Variants in C12orf57 observed in about 807,000 individuals in gnomAD.
C12orf57 encodes protein C10.
Under a neutral mutation model 11.3 loss-of-function variants are expected in C12orf57, and 14 were observed. That is an observed-to-expected ratio of 1.24 (90% confidence interval 0.82 to 1.94). The LOEUF (loss-of-function observed/expected upper bound fraction) is 1.94, where lower values mean the gene tolerates loss of function less well. Among genes scored for constraint, C12orf57 ranks in the 30% most tolerant of loss-of-function variants. The pLI, the probability that C12orf57 is intolerant of heterozygous loss-of-function variation, is 0.00. For missense variants in C12orf57, 229 were observed against 172.4 expected, an observed-to-expected ratio of 1.33 and a Z score of -1.84; for synonymous variants, 100 against 74.6, an observed-to-expected ratio of 1.34 and a Z score of -1.76.
At chr12:6,944,359 A>G in intron 1 of C12orf57, 117 bp from the exon 2 acceptor site, 1 of 1,553,402 alleles carries the variant, frequency 6.4e-7, no homozygotes, top group Admixed American at 1.9e-5. Flanking sequence ...AAGACTTGGG[A>G]TCTTATTGGG....
chr12:6,943,982 G>T, upstream of C12orf57: 1 of 1,578,458 alleles, frequency 6.3e-7, no homozygotes, highest in Non-Finnish European at 8.5e-7. Flanking sequence ...TGAAGGTTTG[G>T]GCCACGCCTG....
chr12:6,944,629 A>T lies in C12orf57; in HGVS notation c.206A>T (p.Tyr69Phe), dbSNP rs782485941. 4 of 1,613,430 alleles carry T rather than the reference A, an allele frequency of 2.5e-6. No homozygotes were observed. The highest frequency in any genetic ancestry group is 3.4e-6 in the Non-Finnish European group (4 of 1,179,548). ...ATCCAGCAGGAGGTTATCAAAGCCT[A>T]TGGCTTCAGCTGCGACGGGGAAGGT... ...TQIQQEVIKA[Y>F]GFSCDGEGVL... The change falls in exon 2 of 3, where the codon TAT (tyrosine) becomes TTT (phenylalanine). Residue 69 changes from tyrosine (Y) to phenylalanine (F), a missense_variant. Transcript: ENST00000229281.
chr12:6,944,884 A>T, intron 2 of C12orf57: 1 of 1,402,496 alleles, frequency 7.1e-7, no homozygotes, highest in Non-Finnish European at 9.3e-7. Context: ...AATGGTTGGG[A>T]CCGGAAGTGT....
At chr12:6,943,867 C>T (rs149374821), upstream of C12orf57, 17,018 of 939,128 alleles carry the variant, frequency 0.018, 186 homozygotes, top group Admixed American at 0.023. Flanking sequence ...GGCTTTTTAC[C>T]GGAAAGCCCC....
upstream of C12orf57, chr12:6,943,869 G>A (rs782223539): frequency 1.3e-4 from 120 of 953,356 alleles, 1 homozygote; most frequent in South Asian, 4.7e-4. Flanking sequence ...CTTTTTACCG[G>A]AAAGCCCCTC....
chr12:6,944,445 G>T, intron 1 of C12orf57, 31 bp from the exon 2 acceptor site: 1 of 1,604,146 alleles, frequency 6.2e-7, no homozygotes, highest in Non-Finnish European at 8.5e-7. Context: ...GCCTACCCGG[G>T]ACGCCTCCCT....
rs782060935 is a variant in C12orf57 at position 6,945,810 on chromosome 12, C to T, written c.269C>T (p.Ala90Val). 6.2e-7 allele frequency: 1 copy of T among 1,613,848 alleles called. No individual in the cohort carries two copies. Among genetic ancestry groups the T allele is most frequent in the South Asian group, 1.1e-5 (1 of 90,984 alleles). ...KFARLVKSYEAQDPEIASLSG... is the reference protein window; with the variant it reads ...KFARLVKSYEVQDPEIASLSG... ...GCTCGCTTGGTCAAGTCCTACGAAG[C>T]CCAGGATCCTGAGATCGCCAGCCTG... The change falls in exon 3 of 3, where the codon GCC (alanine) becomes GTC (valine). Residue 90 changes from alanine (A) to valine (V), a missense_variant. By Grantham distance (64) the Ala-to-Val change is moderately conservative. Transcript: ENST00000229281.
At chr12:6,944,220 C>A in intron 1 of C12orf57, 47 bp downstream of exon 1, 1 of 1,588,182 alleles carries the variant, frequency 6.3e-7, no homozygotes, top group South Asian at 1.1e-5. Context: ...CTGGGGTAGT[C>A]AAGGCATGGG....
chr12:6,945,956 G>A lies in C12orf57; in HGVS notation c.*34G>A, dbSNP rs376029814. On this transcript the variant is annotated 3_prime_UTR_variant, in exon 3 of 3. Transcript: ENST00000229281. ...CCTCCCTTGTGCCACTGCCAGGGGA[G>A]GAAAGGCCTTGATGTTCCAGACAAT... 6.3e-6 allele frequency: 10 copies of A among 1,596,860 alleles called. No individual in the cohort carries two copies. The highest frequency in any genetic ancestry group is 4.5e-5 in the East Asian group (2 of 44,290).
chr12:6,944,029 G>T lies in C12orf57; in HGVS notation c.-93G>T, dbSNP rs1437434039. 3 of 1,607,086 alleles carry T rather than the reference G, an allele frequency of 1.9e-6. No homozygotes were observed. The highest frequency in any genetic ancestry group is 2.7e-5 in the African/African-American group (2 of 74,728). ...CTGCGCCGGATGCTGTTTCCTTTCC[G>T]CTCCCAGGGGCGTTGGGAACGGTTG... is the stretch of plus-strand genomic sequence containing the variant. On this transcript the variant is annotated 5_prime_UTR_variant, in exon 1 of 3. Transcript: ENST00000229281.
Position 6,944,034 on chromosome 12 carries a change from CAGGGGCGT to C in C12orf57, c.-87_-80del. 6.2e-7 allele frequency: 1 copy of C among 1,610,140 alleles called. No homozygotes were observed. The highest frequency in any genetic ancestry group is 8.5e-7 in the Non-Finnish European group (1 of 1,179,546). ...CCGGATGCTGTTTCCTTTCCGCTCCCAGGGGCGTTGGGAACGGTTGTAGGACGTGGCTC... is the reference window on the plus strand; with the variant it reads ...CCGGATGCTGTTTCCTTTCCGCTCCCTGGGAACGGTTGTAGGACGTGGCTC... On this transcript the variant is annotated 5_prime_UTR_variant, in exon 1 of 3. Transcript: ENST00000229281.
In C12orf57 at chr12:6,944,141, A is replaced by C. The variant is rs782600196; in HGVS notation, c.20A>C (p.Gln7Pro). The change falls in exon 1 of 3, where the codon CAA becomes CCA. Residue 7 changes from glutamine (Q) to proline (P), a missense_variant. Gln to Pro is a moderately conservative substitution (Grantham distance 76, BLOSUM62 -1). Transcript: ENST00000229281. ...CGCCCTATGGCGTCCGCCTCGACCC[A>C]ACCGGCGGCCTTGAGCGCTGAGCAA... Reference protein sequence around the residue: MASASTQPAALSAEQAK... With the variant: MASASTPPAALSAEQAK... The C allele has an allele frequency of 3.6e-5, 58 of 1,614,110 alleles. No individual in the cohort carries two copies. In the Middle Eastern group the frequency reaches 4.9e-4, roughly 14 times the overall value.
intron 1 of C12orf57, 55 bp downstream of exon 1, chr12:6,944,228 G>A (rs937708588): frequency 1.3e-5 from 21 of 1,613,634 alleles, no homozygotes; most frequent in Middle Eastern, 3.3e-4. Context: ...GTCAAGGCAT[G>A]GGCTGCTGGT....
chr12:6,943,745 G>A (rs114309358), upstream of C12orf57: 403 of 1,201,194 alleles, frequency 3.4e-4, no homozygotes, highest in Admixed American at 1.4e-3. Flanking sequence ...CAAGAAAAAA[G>A]TCACCTAAGC....
chr12:6,944,021 T>A, upstream of C12orf57: 4 of 1,606,986 alleles, frequency 2.5e-6, no homozygotes, highest in Non-Finnish European at 3.4e-6. Context: ...GGATGCTGTT[T>A]CCTTTCCGCT....
intron 2 of C12orf57, chr12:6,945,089 C>G (rs1555146285): frequency 1.0e-5 from 3 of 289,846 alleles, no homozygotes; most frequent in East Asian, 6.3e-5. Context: ...CTACAGTCTC[C>G]CCCACCCCCC....
upstream of C12orf57, chr12:6,943,719 T>G (rs782635009): frequency 3.1e-6 from 4 of 1,270,480 alleles, no homozygotes; most frequent in Non-Finnish European, 4.1e-6. Context: ...CGTCGTTGTT[T>G]ATACAGTAAT....
Position 6,945,799 on chromosome 12 carries a change from G to C in C12orf57, c.258G>C (p.Lys86Asn). The C allele has an allele frequency of 1.2e-6, 2 of 1,613,794 alleles. No homozygotes were observed. The highest frequency in any genetic ancestry group is 1.3e-5 in the African/African-American group (1 of 75,006). ...TCCTTAAGTTTGCTCGCTTGGTCAA[G>C]TCCTACGAAGCCCAGGATCCTGAGA... ...EGVLKFARLVKSYEAQDPEIA... is the reference protein window; with the variant it reads ...EGVLKFARLVNSYEAQDPEIA... The change falls in exon 3 of 3, where the codon AAG becomes AAC. Residue 86 changes from lysine to asparagine, a missense_variant. By Grantham distance (94) the Lys-to-Asn change is moderately conservative. Transcript: ENST00000229281.
intron 1 of C12orf57, 23 bp from the exon 2 acceptor site, chr12:6,944,453 C>A: frequency 6.2e-7 from 1 of 1,607,796 alleles, no homozygotes; most frequent in Non-Finnish European, 8.5e-7. Flanking sequence ...GGGACGCCTC[C>A]CTGGGATGCT....
Sources: gnomAD v4.1 joint callset for allele counts on GRCh38, gnomAD v4.1.1 for gene constraint, MANE v1.5 for transcripts, NCBI Gene and HGNC (gene_info 2026-07-23, HGNC 2026-07-21) for gene names.